The following AEN variants were observed in gnomAD, a reference collection of about 807,000 sequenced individuals.
The protein encoded by AEN is apoptosis-enhancing nuclease.
A neutral mutation model predicts 17.7 loss-of-function variants in AEN; 21 were observed. That is an observed-to-expected ratio of 1.19 (90% CI 0.84 to 1.71). The LOEUF (loss-of-function observed/expected upper bound fraction) is 1.71. AEN is among the 40% of genes most tolerant of loss of function. The probability of loss-of-function intolerance (pLI) is 0.00; values close to 1 mark genes in which losing one functional copy is unlikely to be tolerated. For synonymous variants in AEN, 190 were observed against 173.0 expected (o/e 1.10, Z -0.77); for missense variants, 462 against 435.9 (o/e 1.06, Z -0.53).
At position 88,629,359 on chromosome 15, in the gene AEN, G is replaced by A; in HGVS notation, c.674G>A (p.Gly225Asp). The change falls in exon 3 of 4, where the codon GGC becomes GAC. Residue 225 changes from glycine (G) to aspartate (D), a missense_variant. Gly to Asp is a moderately conservative substitution (Grantham distance 94). Transcript: ENST00000332810. ...GTCCCAAACTTCCTCAGCGAGCCCG[G>A]CCTCCACACCCGGGCCCGGGTCTCT... ...TYVPNFLSEP[G>D]LHTRARVSLK... The A allele has an allele frequency of 1.2e-6, 2 of 1,614,086 alleles. No homozygotes were observed. Among genetic ancestry groups the A allele is most frequent in the African/African-American group, 1.3e-5 (1 of 75,028 alleles).
chr15:88,622,702 C>T (rs1420413790), intron 1 of AEN, among the ~76,000 whole-genome samples: 1 of 152,206 alleles, frequency 6.6e-6, no homozygotes, highest in Non-Finnish European at 1.5e-5. Context: ...GTTGCTAGGT[C>T]ATGGGTTTAA....
the AEN span, among the ~76,000 whole-genome samples, chr15:88,608,387 C>G: frequency 1.3e-5 from 2 of 152,344 alleles, no homozygotes; most frequent in South Asian, 2.1e-4. Flanking sequence ...TATACATTGT[C>G]CTATGGCTTT....
chr15:88,606,679 C>T, the AEN span, among the ~76,000 whole-genome samples: 1 of 152,236 alleles, frequency 6.6e-6, no homozygotes, highest in Non-Finnish European at 1.5e-5. Flanking sequence ...TCCTGGGGAG[C>T]CCCTGCCTTG....
chr15:88,608,141 G>C, the AEN span: 1 of 531,846 alleles, frequency 1.9e-6, no homozygotes, highest in South Asian at 1.4e-5. Flanking sequence ...TCATTGGTTG[G>C]TGTGTATTGC....
intron 1 of AEN, 70 bp from the exon 2 acceptor site, chr15:88,626,076 G>C (rs1411794311): frequency 1.9e-6 from 2 of 1,042,982 alleles, no homozygotes; most frequent in Non-Finnish European, 2.7e-6. Flanking sequence ...ACTGCAGGGA[G>C]GGAGGGAGGG....
upstream of AEN, among the ~76,000 whole-genome samples, chr15:88,620,619 G>A (rs1427482686): frequency 6.6e-6 from 1 of 151,840 alleles, no homozygotes. Flanking sequence ...ATGTTGGTCA[G>A]GCTGGTCTCA....
At chr15:88,623,860 G>C (rs2057817825) in intron 1 of AEN, among the ~76,000 whole-genome samples, 1 of 152,226 alleles carries the variant, frequency 6.6e-6, no homozygotes, top group African/African-American at 2.4e-5. Context: ...GAGGAGCGAG[G>C]AGCAGTGCCT....
At position 88,630,352 on chromosome 15, in the gene AEN, A is replaced by G. The variant is rs770791689; in HGVS notation, c.*58A>G. 14 of 1,488,936 alleles carry G rather than the reference A, an allele frequency of 9.4e-6. No homozygotes were observed. In the African/African-American group the frequency reaches 1.2e-4, roughly 13 times the overall value. 92.2% of individuals were successfully genotyped at this position (1,488,936 alleles called of 1,614,324 possible). A position where few individuals can be genotyped will look rare whatever the true frequency, so the allele number is the denominator to read the frequency against. ...GTGTGGCCGGTAGGAAGTGGGGGCC[A>G]GGAGAGCAGCGGGCACTCCTTCCTG... On this transcript the variant is annotated 3_prime_UTR_variant, in exon 4 of 4. Coordinates refer to ENST00000332810, the MANE Select transcript of AEN (RefSeq NM_022767.4). This position sits in a 1 kb window ranked among gnomAD's most constrained non-coding sequence, Gnocchi z 5.1.
the AEN span, among the ~76,000 whole-genome samples, chr15:88,611,007 C>T: frequency 6.6e-6 from 1 of 152,274 alleles, no homozygotes; most frequent in African/African-American, 2.4e-5. Flanking sequence ...AGGATTCCAC[C>T]AGCCTCCTGT....
chr15:88,626,752 A>G lies in AEN; in HGVS notation c.540+3A>G. 1.9e-6 allele frequency: 3 copies of G among 1,604,282 alleles called. No homozygotes were observed. Among genetic ancestry groups the G allele is most frequent in the Non-Finnish European group, 1.7e-6 (2 of 1,178,640 alleles). ...CCTTCCAGGTGGCCCAGAAAGAGGT[A>G]AGGGCAGGGATGGGGACTTGTTTGG... On this transcript the variant is annotated splice_donor_region_variant and intron_variant, in intron 2 of 3. Transcript: ENST00000332810.
rs747444686 is a variant in AEN at position 88,630,204 on chromosome 15, G to A, written c.888G>A (p.Met296Ile). 4.3e-6 allele frequency: 7 copies of A among 1,611,834 alleles called. No homozygotes were observed. The highest frequency in any genetic ancestry group is 1.6e-4 in the Middle Eastern group (1 of 6,080). ...EDREPDSSTD[M>I]EQYMEDQYWP... Reference sequence around the variant, plus strand: ...GAGAACCTGACAGCAGCACAGACATGGAACAGTACATGGAGGACCAGTACT... The same window carrying A: ...GAGAACCTGACAGCAGCACAGACATAGAACAGTACATGGAGGACCAGTACT... The change falls in exon 4 of 4, where the codon ATG becomes ATA. Residue 296 changes from methionine to isoleucine, a missense_variant. Coordinates refer to ENST00000332810, the MANE Select transcript of AEN (RefSeq NM_022767.4). This position sits in a 1 kb window ranked among gnomAD's most constrained non-coding sequence, Gnocchi z 5.1.
chr15:88,629,985 C>G, intron 3 of AEN, 73 bp from the exon 4 acceptor site: 1 of 1,435,790 alleles, frequency 7.0e-7, no homozygotes, highest in Non-Finnish European at 9.7e-7. Context: ...CCCTGGGAAA[C>G]TGGCCTTGCT....
In AEN at chr15:88,629,502, T is replaced by A. The variant is rs1596032404; in HGVS notation, c.741+76T>A. The A allele has an allele frequency of 3.3e-6, 5 of 1,521,340 alleles. No individual in the cohort carries two copies. In the East Asian group the frequency reaches 1.1e-4, roughly 34 times the overall value. 94.2% of individuals were successfully genotyped at this position (1,521,340 alleles called of 1,614,324 possible). A position where few individuals can be genotyped will look rare whatever the true frequency, so the allele number is the denominator to read the frequency against. ...TGCCACCTGAGCCACAGACAAGGCT[T>A]TGGGCTGTGTCTCCAGCCTCCTTGT... is the stretch of plus-strand genomic sequence containing the variant. On this transcript the variant is annotated intron_variant, in intron 3 of 3. Transcript: ENST00000332810.
the AEN span, among the ~76,000 whole-genome samples, chr15:88,610,550 G>T: frequency 4.0e-4 from 61 of 152,166 alleles, no homozygotes; most frequent in Non-Finnish European, 6.9e-4. Flanking sequence ...GATGTGCCCT[G>T]TCTCAGGCTG....
At chr15:88,606,256 C>T in the AEN span, among the ~76,000 whole-genome samples, 1 of 152,124 alleles carries the variant, frequency 6.6e-6, no homozygotes, top group Admixed American at 6.6e-5. Context: ...CCTTCCTCCC[C>T]GCGCTCTCTG....
chr15:88,621,335 G>A (rs376662874), upstream of AEN: 1 of 152,360 alleles, frequency 6.6e-6, no homozygotes, highest in African/African-American at 2.4e-5. Context: ...GGAGCTGCCG[G>A]CTTTCCGGAC....
At chr15:88,616,573 C>A (rs111612611), upstream of AEN, among the ~76,000 whole-genome samples, 2 of 152,146 alleles carry the variant, frequency 1.3e-5, no homozygotes, top group Non-Finnish European at 2.9e-5. Context: ...GTCAAGATGA[C>A]AGTGTGAGAC....
chr15:88,611,907 A>T, the AEN span: 2 of 515,208 alleles, frequency 3.9e-6, no homozygotes, highest in South Asian at 2.9e-5. Context: ...AACAAATCCC[A>T]GTCTACCTAA....
At chr15:88,625,634 A>G (rs2057841569) in intron 1 of AEN, among the ~76,000 whole-genome samples, 1 of 152,218 alleles carries the variant, frequency 6.6e-6, no homozygotes, top group Non-Finnish European at 1.5e-5. Flanking sequence ...CTGTGCCTTC[A>G]TATTTCAAAA....
Sources: gnomAD v4.1 joint callset for allele counts (sites outside exome capture counted in the v4.1 genomes callset) on GRCh38, gnomAD v4.1.1 for gene constraint, Gnocchi (gnomAD v3.1) non-coding constraint, MANE v1.5 for transcripts, NCBI Gene and HGNC (gene_info 2026-07-23, HGNC 2026-07-21) for gene names.